The following MYCBP2 variants were observed in gnomAD, a reference collection of about 807,000 sequenced individuals.
MYCBP2 encodes MYC binding protein 2, also known as E3 ubiquitin-protein ligase MYCBP2.
Under a neutral mutation model 525.3 loss-of-function variants are expected in MYCBP2, and 120 were observed. That is an observed-to-expected ratio of 0.23 (90% CI 0.20 to 0.27). The LOEUF is 0.27. Among genes scored for constraint, MYCBP2 ranks in the 10% least tolerant of loss-of-function variants. The pLI is 1.00. For missense variants in MYCBP2, 4,149 were observed against 5,657.1 expected, an observed-to-expected ratio of 0.73 and a Z score of 8.55; for synonymous variants, 1,894 against 1,955.8, an observed-to-expected ratio of 0.97 and a Z score of 0.83.
At chr13:77,295,620 G>A (rs1241881057) in intron 2 of MYCBP2, among the ~76,000 whole-genome samples, 1 of 152,180 alleles carries the variant, frequency 6.6e-6, no homozygotes, top group South Asian at 2.1e-4. Flanking sequence ...TACAGGCCCA[G>A]CAAATCTATT....
intron 65 of MYCBP2, 112 bp from the exon 66 acceptor site, chr13:77,079,001 T>A (rs1000443632): frequency 2.3e-6 from 2 of 856,162 alleles, no homozygotes; most frequent in African/African-American, 1.7e-5. Context: ...TCTCTTATGG[T>A]CCTTCCTGAT....
chr13:77,088,729 A>G, intron 61 of MYCBP2, 103 bp downstream of exon 61: 1 of 1,012,086 alleles, frequency 9.9e-7, no homozygotes, highest in Non-Finnish European at 1.5e-6. Flanking sequence ...AATGCCTTTT[A>G]ATTTCACACA....
chr13:77,255,875 A>T (rs139348989), intron 14 of MYCBP2, among the ~76,000 whole-genome samples: 200 of 152,152 alleles, frequency 1.3e-3, no homozygotes, highest in African/African-American at 4.5e-3. Context: ...TACTTTAACC[A>T]AAGTTCAACG....
At chr13:77,122,698 A>G (rs913070004) in intron 54 of MYCBP2, among the ~76,000 whole-genome samples, 3 of 151,852 alleles carry the variant, frequency 2.0e-5, no homozygotes, top group Non-Finnish European at 4.4e-5. Flanking sequence ...TCAAAAAAAA[A>G]AAAAAAAAAA....
At chr13:77,223,462 T>C (rs1322808897) in intron 20 of MYCBP2, among the ~76,000 whole-genome samples, 1 of 152,202 alleles carries the variant, frequency 6.6e-6, no homozygotes, top group Non-Finnish European at 1.5e-5. Context: ...CCTGAACTAA[T>C]AAAGATGGAT....
At chr13:77,147,935 C>G (rs951999953) in intron 47 of MYCBP2, among the ~76,000 whole-genome samples, 13 of 152,042 alleles carry the variant, frequency 8.6e-5, no homozygotes, top group Admixed American at 3.3e-4. Flanking sequence ...TATTCCATAC[C>G]TGCTCTAAAC....
At position 77,076,700 on chromosome 13, in the gene MYCBP2, A is replaced by G. The variant is rs181475522; in HGVS notation, c.11823+51T>C. On this transcript the variant is annotated intron_variant, in intron 68 of 82. Transcript: ENST00000544440. Reference sequence around the variant, plus strand: ...CAGCAATAAATGAATTATTTCACTGAAAAAAAGAATAAAAAAGGGAAATAA... The same window carrying G: ...CAGCAATAAATGAATTATTTCACTGGAAAAAAGAATAAAAAAGGGAAATAA... 5 of 1,157,666 alleles carry G rather than the reference A, an allele frequency of 4.3e-6. No homozygotes were observed. In the South Asian group the frequency reaches 7.0e-5, roughly 16 times the overall value. 71.7% of individuals were successfully genotyped at this position (1,157,666 alleles called of 1,614,324 possible).
intron 20 of MYCBP2, among the ~76,000 whole-genome samples, chr13:77,221,777 G>A (rs773400922): frequency 2.3e-4 from 35 of 152,012 alleles, no homozygotes; most frequent in Non-Finnish European, 4.7e-4. Flanking sequence ...AAGTTGCCAC[G>A]TTCTTCCCCA....
Position 77,051,883 on chromosome 13 carries a change from C to G in MYCBP2, c.13683G>C (p.Glu4561Asp), listed in dbSNP as rs148596992. ...GATCATAATCATCTCCCCGTCCAGC[C>G]TCAGCATCGCAGCGAGCTTCACCAC... is the stretch of plus-strand genomic sequence containing the variant. ...YFGGEARCDA[E>D]AGRGDDYDPR... Residue 4561 changes from glutamate (E) to aspartate (D), a missense_variant, in exon 81 of 83, where the codon GAG becomes GAC. By Grantham distance (45) the Glu-to-Asp change is conservative (BLOSUM62 2). Around this residue, in one of 21 missense-constraint regions of MYCBP2, gnomAD observed 24 missense variants for 24.9 expected, o/e 0.96. Transcript: ENST00000544440. The G allele has an allele frequency of 1.9e-6, 3 of 1,614,160 alleles. No homozygotes were observed. The highest frequency in any genetic ancestry group is 2.5e-6 in the Non-Finnish European group (3 of 1,180,036).
At chr13:77,204,135 G>A (rs1227355328) in intron 26 of MYCBP2, among the ~76,000 whole-genome samples, 16 of 151,174 alleles carry the variant, frequency 1.1e-4, no homozygotes, top group East Asian at 9.7e-4. Context: ...GAAAATTTTT[G>A]CAACCTACTC....
At chr13:77,303,510 A>C (rs1383950980) in intron 1 of MYCBP2, among the ~76,000 whole-genome samples, 1 of 152,238 alleles carries the variant, frequency 6.6e-6, no homozygotes, top group Non-Finnish European at 1.5e-5. Flanking sequence ...GGACTGAATG[A>C]TAAGGTAATT....
rs568167418 is a variant in MYCBP2 at position 77,148,741 on chromosome 13, G to A, written c.7131+1993C>T. Reference sequence around the variant, plus strand: ...GGCATCTAATAAATCTTTTCTGATCGGTGCTTTCTTTTAATCTCTAGAATA... The same window carrying A: ...GGCATCTAATAAATCTTTTCTGATCAGTGCTTTCTTTTAATCTCTAGAATA... On this transcript the variant is annotated intron_variant, in intron 47 of 82. Transcript: ENST00000544440. Among the ~76,000 whole-genome samples, 6 of 151,968 alleles carry A rather than the reference G, an allele frequency of 3.9e-5. No individual in the cohort carries two copies. In the South Asian group the frequency reaches 1.0e-3, roughly 26 times the overall value.
intron 68 of MYCBP2, among the ~76,000 whole-genome samples, chr13:77,074,010 C>CCG (rs531889500): frequency 7.1e-6 from 1 of 140,922 alleles, no homozygotes; most frequent in Non-Finnish European, 1.5e-5. Flanking sequence ...CCGCCCCCCC[C>CCG]CCTTTTTTTT....
intron 18 of MYCBP2, among the ~76,000 whole-genome samples, chr13:77,227,481 T>TAC (rs71704593): frequency 0.023 from 3,412 of 145,230 alleles, 53 homozygotes; most frequent in East Asian, 0.076. Flanking sequence ...CACACACACA[T>TAC]ACACACACAC....
intron 46 of MYCBP2, 107 bp downstream of exon 46, chr13:77,155,951 T>C (rs1795981546): frequency 1.9e-6 from 2 of 1,049,448 alleles, no homozygotes; most frequent in East Asian, 2.5e-5. Context: ...ACCCTTTATA[T>C]AAAGAGGGTA....
intron 55 of MYCBP2, among the ~76,000 whole-genome samples, chr13:77,100,663 C>T (rs1398344180): frequency 6.6e-6 from 1 of 152,026 alleles, no homozygotes; most frequent in East Asian, 1.9e-4. Context: ...TTAATTGCAA[C>T]ATGCCAATAT....
chr13:77,100,056 A>T (rs1330710704), intron 55 of MYCBP2: 3 of 152,086 alleles, frequency 2.0e-5, no homozygotes, highest in Non-Finnish European at 4.4e-5. Context: ...AAGCAATCTG[A>T]CTGAAGGGTT....
rs1294619889 is a variant in MYCBP2, at chr13:77,261,289, T to G, written c.1734A>C (p.Lys578Asn). ...CTGAGAAGTGTACTATCTTTGGAGA[T>G]TTTGTAATTGGTAGCTCAACCCATT... ...AGKWVELPITKSPKIVHFSVG... is the reference protein window; with the variant it reads ...AGKWVELPITNSPKIVHFSVG... Residue 578 changes from lysine (K) to asparagine (N), a missense_variant, in exon 12 of 83, where the codon AAA (lysine) becomes AAC (asparagine). Physicochemically the swap from Lys to Asn is moderately conservative, Grantham distance 94 (BLOSUM62 0). Coordinates refer to ENST00000544440, the MANE Select transcript of MYCBP2 (RefSeq NM_015057.5). 6.2e-7 allele frequency: 1 copy of G among 1,613,526 alleles called. No homozygotes were observed. Among genetic ancestry groups the G allele is most frequent in the Non-Finnish European group, 8.5e-7 (1 of 1,179,756 alleles).
chr13:77,071,424 T>C (rs2041267922), intron 68 of MYCBP2, among the ~76,000 whole-genome samples: 1 of 152,206 alleles, frequency 6.6e-6, no homozygotes, highest in Non-Finnish European at 1.5e-5. Flanking sequence ...AAAATGATGC[T>C]TGGTTTTACA....
Sources: allele counts gnomAD v4.1 joint callset (sites outside exome capture counted in the v4.1 genomes callset), GRCh38; gene constraint gnomAD v4.1.1; regional missense constraint gnomAD v4.1.1; transcripts MANE v1.5; gene names NCBI Gene and HGNC (gene_info 2026-07-23, HGNC 2026-07-21).